Variants in CBFB observed in about 807,000 individuals in gnomAD.
The protein encoded by CBFB is CBF-beta.
In CBFB, 9 loss-of-function variants were observed where a neutral mutation model predicts 30.4. The observed-to-expected ratio is 0.30, with a 90% confidence interval of 0.18 to 0.52. The LOEUF (loss-of-function observed/expected upper bound fraction) is 0.52. CBFB is among the 20% of genes least tolerant of loss of function. CBFB has a pLI of 0.97. For missense variants in CBFB, 170 were observed against 244.0 expected (o/e 0.70, Z 2.02); for synonymous variants, 94 against 84.0 (o/e 1.12, Z -0.65).
intron 3 of CBFB, among the ~76,000 whole-genome samples, chr16:67,037,018 C>A (rs1234721794): frequency 1.3e-5 from 2 of 152,054 alleles, no homozygotes; most frequent in African/African-American, 4.8e-5. Context: ...CCTGCCTCAG[C>A]CTCCTGAGTA....
intron 5 of CBFB, among the ~76,000 whole-genome samples, chr16:67,085,599 G>C (rs1466801629): frequency 6.7e-6 from 1 of 150,182 alleles, no homozygotes; most frequent in African/African-American, 2.5e-5. Context: ...GGCTCAAGCA[G>C]TTCTCCCTCC....
At chr16:67,079,515 CTTTTTTTTTTTT>C (rs34164177) in intron 4 of CBFB, among the ~76,000 whole-genome samples, 2 of 98,666 alleles carry the variant, frequency 2.0e-5, no homozygotes, top group Admixed American at 1.2e-4. Flanking sequence ...GGCCCTGGGT[CTTTTTTTTTTTT>C]TTTTTTTTTT....
Position 67,099,165 on chromosome 16 carries a change from ATT to A in CBFB, c.*397_*398del, listed in dbSNP as rs923000619. Reference sequence around the variant, plus strand: ...AGGGTTTTCTCTAATCATTTTTTCTATTTTTTTTTTTGTACTTCTAGATGTTT... The same window carrying A: ...AGGGTTTTCTCTAATCATTTTTTCTATTTTTTTTTGTACTTCTAGATGTTT... On this transcript the variant is annotated 3_prime_UTR_variant, in exon 6 of 6. Transcript: ENST00000412916. 1.3e-4 allele frequency: 28 copies of A among 210,460 alleles called. No individual in the cohort carries two copies. Among genetic ancestry groups the A allele is most frequent in the East Asian group, 3.0e-4 (4 of 13,332 alleles). 13.0% of individuals were successfully genotyped at this position (210,460 alleles called of 1,614,324 possible). A position where few individuals can be genotyped will look rare whatever the true frequency, so the allele number is the denominator to read the frequency against.
chr16:67,033,256 A>G (rs1456833145), intron 2 of CBFB, among the ~76,000 whole-genome samples: 1 of 152,222 alleles, frequency 6.6e-6, no homozygotes, highest in Admixed American at 6.5e-5. Context: ...CAGCCTCCTT[A>G]TTTTATGCCA....
intron 5 of CBFB, among the ~76,000 whole-genome samples, chr16:67,086,451 T>G (rs1385239101): frequency 6.6e-6 from 1 of 152,338 alleles, no homozygotes; most frequent in Admixed American, 6.5e-5. Context: ...TTATAAACAT[T>G]TGTGCCCTCC....
At chr16:67,071,437 C>T (rs915504651) in intron 4 of CBFB, among the ~76,000 whole-genome samples, 8 of 151,992 alleles carry the variant, frequency 5.3e-5, no homozygotes, top group South Asian at 2.1e-4. Context: ...CTCTCTCTGC[C>T]GTATGAGGAC....
intron 5 of CBFB, among the ~76,000 whole-genome samples, chr16:67,092,696 A>ATTTTTTTTTTTTTTTTTTTTTTTTT (rs1162307047): frequency 5.3e-5 from 5 of 94,678 alleles, no homozygotes; most frequent in African/African-American, 2.4e-4. Context: ...CAGTGGTGCA[A>ATTTTTTTTTTTTTTTTTTTTTTTTT]TCTTTTTTTT....
chr16:67,050,347 A>G (rs543354215), intron 3 of CBFB, among the ~76,000 whole-genome samples: 1 of 150,324 alleles, frequency 6.7e-6, no homozygotes, highest in South Asian at 2.1e-4. Context: ...TGTATATATA[A>G]CGTTCTAAGA....
intron 3 of CBFB, among the ~76,000 whole-genome samples, chr16:67,043,591 A>T (rs1966570147): frequency 6.6e-6 from 1 of 152,216 alleles, no homozygotes; most frequent in East Asian, 1.9e-4. Flanking sequence ...CTCAGAAATG[A>T]TTTAAACTAA....
intron 3 of CBFB, among the ~76,000 whole-genome samples, chr16:67,053,678 A>T (rs559389383): frequency 6.6e-6 from 1 of 151,880 alleles, no homozygotes; most frequent in African/African-American, 2.4e-5. Flanking sequence ...GAGCACAGTC[A>T]TGAGTGGATT....
chr16:67,078,832 T>A (rs1439707307), intron 4 of CBFB, among the ~76,000 whole-genome samples: 1 of 152,096 alleles, frequency 6.6e-6, no homozygotes. Context: ...TGTATTTGTT[T>A]TTTAGTAGAG....
Position 67,029,729 on chromosome 16 carries a change from T to C in CBFB, c.81T>C (p.Ile27=), listed in dbSNP as rs1229908866. The change falls in exon 2 of 6, where the codon ATT becomes ATC. Residue 27 remains isoleucine (I), a splice_region_variant and synonymous_variant. Transcript: ENST00000412916. ...FFRKLSRECE[I]KYTGFRDRPH... Reference sequence around the variant, plus strand: ...TTTCGGGCCGTCTTGCCTTGCAGATTAAGTACACGGGCTTCAGGGACCGGC... The same window carrying C: ...TTTCGGGCCGTCTTGCCTTGCAGATCAAGTACACGGGCTTCAGGGACCGGC... The C allele has an allele frequency of 6.3e-7, 1 of 1,590,614 alleles. No homozygotes were observed. The highest frequency in any genetic ancestry group is 2.4e-5 in the East Asian group (1 of 42,142).
intron 3 of CBFB, among the ~76,000 whole-genome samples, chr16:67,061,388 T>C (rs1177200340): frequency 6.6e-6 from 1 of 152,262 alleles, no homozygotes; most frequent in African/African-American, 2.4e-5. Context: ...GTTTAATCCC[T>C]AGTTCATATT....
chr16:67,038,647 C>T (rs1273609463), intron 3 of CBFB, among the ~76,000 whole-genome samples: 4 of 151,788 alleles, frequency 2.6e-5, no homozygotes, highest in Non-Finnish European at 5.9e-5. Flanking sequence ...AGTCCTTGTA[C>T]GATTATTGGT....
At chr16:67,067,639 TG>T (rs1374652254) in intron 4 of CBFB, among the ~76,000 whole-genome samples, 1 of 152,182 alleles carries the variant, frequency 6.6e-6, no homozygotes, top group Non-Finnish European at 1.5e-5. Flanking sequence ...CCCAGCTCTG[TG>T]GTCCCTCAGG....
At chr16:67,088,289 G>A (rs912683437) in intron 5 of CBFB, among the ~76,000 whole-genome samples, 2 of 151,878 alleles carry the variant, frequency 1.3e-5, no homozygotes, top group South Asian at 4.2e-4. Flanking sequence ...TTATTTTCTT[G>A]CAGTTTACCT....
intron 3 of CBFB, among the ~76,000 whole-genome samples, chr16:67,043,995 A>C (rs1162711030): frequency 6.6e-6 from 1 of 152,258 alleles, no homozygotes; most frequent in South Asian, 2.1e-4. Flanking sequence ...AAAGCAACTA[A>C]TCAGAATTTA....
At chr16:67,075,197 A>AAATGTG (rs1555538290) in intron 4 of CBFB, among the ~76,000 whole-genome samples, 5 of 142,662 alleles carry the variant, frequency 3.5e-5, no homozygotes, top group Non-Finnish European at 7.7e-5. Flanking sequence ...CTCAAAAAAA[A>AAATGTG]TGTGTGTGTG....
intron 2 of CBFB, among the ~76,000 whole-genome samples, chr16:67,034,559 G>GTT (rs895892087): frequency 6.6e-6 from 1 of 152,172 alleles, no homozygotes; most frequent in Non-Finnish European, 1.5e-5. Flanking sequence ...AATGATCTGT[G>GTT]TTTACCACTT....
Sources: allele counts gnomAD v4.1 joint callset (sites outside exome capture counted in the v4.1 genomes callset), GRCh38; gene constraint gnomAD v4.1.1; transcripts MANE v1.5; gene names NCBI Gene and HGNC (gene_info 2026-07-23, HGNC 2026-07-21).